SLC16A9: variants seen among roughly 807,000 people sequenced by gnomAD.
The protein encoded by SLC16A9 is solute carrier family 16 member 9, also known as monocarboxylate transporter 9.
Under a neutral mutation model 44.3 loss-of-function variants are expected in SLC16A9, and 26 were observed. That is an observed-to-expected ratio of 0.59 (90% CI 0.43 to 0.81). The LOEUF (loss-of-function observed/expected upper bound fraction) is 0.81, where lower values mean the gene tolerates loss of function less well. Among genes scored for constraint, SLC16A9 ranks in the 40% least tolerant of loss-of-function variants. The pLI is 0.00. For synonymous variants in SLC16A9, 230 were observed against 225.1 expected (o/e 1.02, Z -0.19); for missense variants, 559 against 595.8 (o/e 0.94, Z 0.64).
chr10:59,676,185 C>G (rs974098151), intron 2 of SLC16A9, among the ~76,000 whole-genome samples: 2 of 152,126 alleles, frequency 1.3e-5, no homozygotes, highest in Admixed American at 6.5e-5. Context: ...TAGTTTAGAG[C>G]AAAATTATTT....
At chr10:59,691,658 T>A (rs1011252838) in intron 1 of SLC16A9, among the ~76,000 whole-genome samples, 1 of 152,200 alleles carries the variant, frequency 6.6e-6, no homozygotes, top group Non-Finnish European at 1.5e-5. Flanking sequence ...AGTTGGCAAG[T>A]TCTAATCCCT....
intron 5 of SLC16A9, 132 bp downstream of exon 5, chr10:59,653,543 C>A: frequency 1.7e-6 from 1 of 605,254 alleles, no homozygotes; most frequent in Non-Finnish European, 2.7e-6. Flanking sequence ...TTGAATAAAT[C>A]ATTACCATGA....
intron 3 of SLC16A9, among the ~76,000 whole-genome samples, chr10:59,665,811 T>C (rs1442288861): frequency 2.0e-5 from 3 of 152,110 alleles, no homozygotes; most frequent in East Asian, 3.9e-4. Flanking sequence ...ATTCAAGACA[T>C]GAAAAAAAGA....
chr10:59,685,498 A>G (rs1019323766), intron 1 of SLC16A9, among the ~76,000 whole-genome samples: 1 of 152,240 alleles, frequency 6.6e-6, no homozygotes, highest in Non-Finnish European at 1.5e-5. Flanking sequence ...AAAAAATAGC[A>G]TATTATATAC....
At chr10:59,700,222 A>C (rs1316121682) in intron 1 of SLC16A9, among the ~76,000 whole-genome samples, 1 of 152,172 alleles carries the variant, frequency 6.6e-6, no homozygotes, top group Non-Finnish European at 1.5e-5. Context: ...TTTTCTCCTC[A>C]AATCAGGAAA....
chr10:59,654,822 A>G (rs1839313000), intron 4 of SLC16A9, among the ~76,000 whole-genome samples: 1 of 152,206 alleles, frequency 6.6e-6, no homozygotes. Flanking sequence ...ACATTGCACG[A>G]TCATGTTTAA....
chr10:59,654,470 T>C lies in SLC16A9; in HGVS notation c.556A>G (p.Ser186Gly), dbSNP rs1311536104. 6.2e-7 allele frequency: 1 copy of C among 1,613,124 alleles called. No homozygotes were observed. Among genetic ancestry groups the C allele is most frequent in the African/African-American group, 1.3e-5 (1 of 75,060 alleles). ...ALALNILACG[S>G]LMRPLQSSDC... ...GAAGATTGGAGGGGTCTCATCAGAC[T>C]GCCACAGGCTAATATATTTAAAGCT... is the stretch of plus-strand genomic sequence containing the variant. The change falls in exon 5 of 6, where the codon AGT (serine) becomes GGT (glycine). Residue 186 changes from serine to glycine, a missense_variant. Coordinates refer to ENST00000395348, the MANE Select transcript of SLC16A9 (RefSeq NM_194298.3).
Position 59,654,313 on chromosome 10 carries a change from C to T in SLC16A9, c.713G>A (p.Cys238Tyr). ...LDKSYSSEEKCRITLANGDWK... is the reference protein window; with the variant it reads ...LDKSYSSEEKYRITLANGDWK... ...GTCACCATTGGCTAACGTGATCCTGCATTTTTCCTCACTACTGTAGCTCTT... is the reference window on the plus strand; with the variant it reads ...GTCACCATTGGCTAACGTGATCCTGTATTTTTCCTCACTACTGTAGCTCTT... The change falls in exon 5 of 6, where the codon TGC becomes TAC. Residue 238 changes from cysteine (C) to tyrosine (Y), a missense_variant. By Grantham distance (194) the Cys-to-Tyr change is radical. Coordinates refer to ENST00000395348, the MANE Select transcript of SLC16A9 (RefSeq NM_194298.3). 15 of 1,614,176 alleles carry T rather than the reference C, an allele frequency of 9.3e-6. No individual in the cohort carries two copies. Among genetic ancestry groups the T allele is most frequent in the Non-Finnish European group, 1.3e-5 (15 of 1,180,026 alleles).
At chr10:59,690,446 C>T (rs368783698) in intron 1 of SLC16A9, among the ~76,000 whole-genome samples, 7 of 152,008 alleles carry the variant, frequency 4.6e-5, no homozygotes, top group South Asian at 4.1e-4. Context: ...GTTTAGGAGT[C>T]GAAGGAAATG....
intron 4 of SLC16A9, among the ~76,000 whole-genome samples, chr10:59,655,038 T>C (rs961054996): frequency 6.6e-6 from 1 of 152,164 alleles, no homozygotes; most frequent in Admixed American, 6.5e-5. Flanking sequence ...AGGCCTGTAA[T>C]CCCAGCACTT....
intron 3 of SLC16A9, among the ~76,000 whole-genome samples, chr10:59,667,087 A>T (rs569966902): frequency 3.9e-5 from 6 of 152,318 alleles, no homozygotes; most frequent in African/African-American, 1.4e-4. Flanking sequence ...GCATGAAGCT[A>T]CAAAATTAAG....
chr10:59,667,663 G>T (rs762487876), intron 3 of SLC16A9, among the ~76,000 whole-genome samples: 19 of 152,118 alleles, frequency 1.2e-4, no homozygotes, highest in Admixed American at 9.8e-4. Context: ...AATGTAAAGG[G>T]TTCCAAGATT....
At chr10:59,696,676 C>G (rs1281918682) in intron 1 of SLC16A9, among the ~76,000 whole-genome samples, 1 of 151,042 alleles carries the variant, frequency 6.6e-6, no homozygotes, top group African/African-American at 2.4e-5. Flanking sequence ...TCTGCCCGGC[C>G]GCCCATCATC....
chr10:59,670,598 T>C (rs1839726417), intron 3 of SLC16A9, among the ~76,000 whole-genome samples: 1 of 152,214 alleles, frequency 6.6e-6, no homozygotes, highest in Non-Finnish European at 1.5e-5. Context: ...ATCTAGCTCA[T>C]TCCAGACAAA....
Position 59,674,710 on chromosome 10 carries a change from T to A in SLC16A9, c.197-1797A>T, listed in dbSNP as rs536324052. 2.0e-5 allele frequency among the ~76,000 whole-genome samples: 3 copies of A among 152,330 alleles called. No homozygotes were observed. The South Asian group carries it at 6.2e-4, about 32-fold the overall frequency. On this transcript the variant is annotated intron_variant, in intron 2 of 5. Coordinates refer to ENST00000395348, the MANE Select transcript of SLC16A9 (RefSeq NM_194298.3). ...ACTACATTGACATTGAGTTTCAGTG[T>A]TCACAAATTTTACAACACATTGGAA... is the stretch of plus-strand genomic sequence containing the variant.
chr10:59,702,088 T>C (rs1350190167), intron 1 of SLC16A9, among the ~76,000 whole-genome samples: 2 of 152,206 alleles, frequency 1.3e-5, no homozygotes, highest in African/African-American at 2.4e-5. Context: ...AATGAATGCA[T>C]TGAAAGCCTA....
chr10:59,656,321 G>T (rs1839347716), intron 4 of SLC16A9, among the ~76,000 whole-genome samples: 1 of 152,188 alleles, frequency 6.6e-6, no homozygotes, highest in South Asian at 2.1e-4. Context: ...TCTTTGTACA[G>T]ATTCTAACAA....
chr10:59,686,988 A>G (rs1588986186), intron 1 of SLC16A9, among the ~76,000 whole-genome samples: 1 of 151,964 alleles, frequency 6.6e-6, no homozygotes, highest in Admixed American at 6.6e-5. Context: ...GCCCACAGCA[A>G]CCTCCGCCTC....
intron 1 of SLC16A9, among the ~76,000 whole-genome samples, chr10:59,701,179 G>C (rs1840514847): frequency 6.6e-6 from 1 of 152,128 alleles, no homozygotes; most frequent in Admixed American, 6.5e-5. Context: ...TTGCATTCCA[G>C]CTCTTCCTTG....
Sources: gnomAD v4.1 joint callset for allele counts (sites outside exome capture counted in the v4.1 genomes callset) on GRCh38, gnomAD v4.1.1 for gene constraint, MANE v1.5 for transcripts, NCBI Gene and HGNC (gene_info 2026-07-23, HGNC 2026-07-21) for gene names.